FAM135B: variants seen among roughly 807,000 people sequenced by gnomAD.
The protein encoded by FAM135B is protein FAM135B.
FAM135B carries 43 observed loss-of-function variants against 127.7 expected under a neutral mutation model. The observed-to-expected ratio is 0.34, with a 90% confidence interval of 0.26 to 0.43. The LOEUF is 0.43. Ranked by LOEUF, FAM135B falls within the 20% of genes least tolerant of loss-of-function variation. FAM135B has a pLI of 1.00. For missense variants in FAM135B, 1,558 were observed against 1,725.6 expected, an observed-to-expected ratio of 0.90 and a Z score of 1.72; for synonymous variants, 670 against 665.1, an observed-to-expected ratio of 1.01 and a Z score of -0.11.
At chr8:138,193,581 C>G (rs778098642) in intron 9 of FAM135B, among the ~76,000 whole-genome samples, 4 of 152,194 alleles carry the variant, frequency 2.6e-5, no homozygotes, top group Admixed American at 6.5e-5. Context: ...AACTAAATTT[C>G]TGATAATTTA....
chr8:138,372,279 AC>A (rs1395228131), intron 1 of FAM135B, among the ~76,000 whole-genome samples: 2 of 152,084 alleles, frequency 1.3e-5, no homozygotes, highest in Non-Finnish European at 2.9e-5. Context: ...CCTGGTCCTC[AC>A]TCAGGCAGCA....
intron 5 of FAM135B, among the ~76,000 whole-genome samples, chr8:138,255,802 C>G (rs1201094702): frequency 2.0e-5 from 3 of 152,128 alleles, no homozygotes; most frequent in Non-Finnish European, 4.4e-5. Context: ...ATCCTAAGGG[C>G]AGTTCAGGGT....
At chr8:138,314,782 A>G (rs1365539548) in intron 2 of FAM135B, among the ~76,000 whole-genome samples, 1 of 149,114 alleles carries the variant, frequency 6.7e-6, no homozygotes, top group Non-Finnish European at 1.5e-5. Context: ...TGAAGGGCTG[A>G]GGTGGGAAAA....
chr8:138,251,133 A>G (rs1303901474), intron 5 of FAM135B, 119 bp from the exon 6 acceptor site: 4 of 1,139,744 alleles, frequency 3.5e-6, no homozygotes, highest in African/African-American at 3.1e-5. Context: ...ATCTCGTTCA[A>G]TCCTGCAAAT....
At chr8:138,363,924 C>T (rs1171387052) in intron 2 of FAM135B, among the ~76,000 whole-genome samples, 1 of 151,918 alleles carries the variant, frequency 6.6e-6, no homozygotes, top group Non-Finnish European at 1.5e-5. Flanking sequence ...AGAAAGGGTA[C>T]TCTCCCTCTC....
chr8:138,406,375 T>C (rs557456668), intron 1 of FAM135B, among the ~76,000 whole-genome samples: 25 of 151,982 alleles, frequency 1.6e-4, no homozygotes, highest in South Asian at 4.2e-4. Context: ...TTCCAATCAA[T>C]AGAAAAAGAG....
intron 3 of FAM135B, among the ~76,000 whole-genome samples, chr8:138,287,790 C>A (rs946341573): frequency 6.6e-6 from 1 of 152,172 alleles, no homozygotes; most frequent in African/African-American, 2.4e-5. Flanking sequence ...TGCAAGACAC[C>A]ACTGTTCCCA....
chr8:138,205,939 C>G (rs987929129), intron 7 of FAM135B, among the ~76,000 whole-genome samples: 1 of 151,868 alleles, frequency 6.6e-6, no homozygotes. Context: ...TATGTACTTG[C>G]TGCCCTCCCC....
Position 138,181,910 on chromosome 8 carries a change from G to A in FAM135B, c.874-3220C>T, listed in dbSNP as rs139275776. On this transcript the variant is annotated intron_variant, in intron 9 of 19. Coordinates refer to ENST00000395297, the MANE Select transcript of FAM135B (RefSeq NM_015912.4). The stretch of plus-strand genomic sequence containing the variant: ...TCACTTCCTACATCCCCTGCATTTT[G>A]AGCTTCAGCCTTCTCACTATTCCCA... Among the ~76,000 whole-genome samples the A allele has an allele frequency of 5.1e-4, 77 of 152,150 alleles. 1 individual carries two copies. The highest frequency in any genetic ancestry group is 2.9e-3 in the South Asian group (14 of 4,818).
At chr8:138,466,541 G>T (rs747062457) in intron 1 of FAM135B, among the ~76,000 whole-genome samples, 12 of 152,164 alleles carry the variant, frequency 7.9e-5, no homozygotes, top group Non-Finnish European at 1.8e-4. Context: ...TGATGCTTTC[G>T]TGGAAGAGTG....
At chr8:138,384,621 A>G (rs943131706) in intron 1 of FAM135B, among the ~76,000 whole-genome samples, 1 of 152,020 alleles carries the variant, frequency 6.6e-6, no homozygotes, top group Non-Finnish European at 1.5e-5. Flanking sequence ...AGAGAGAGAG[A>G]CAGTGTACGT....
rs554728910 is a variant in FAM135B, at chr8:138,442,315, A to T, written c.-20+54356T>A. Among the ~76,000 whole-genome samples, 5 of 140,462 alleles carry T rather than the reference A, an allele frequency of 3.6e-5. No homozygotes were observed. The South Asian group carries it at 1.2e-3, about 33-fold the overall frequency. The allele number at this position is 140,462 out of a possible 152,430, so 92.1% of individuals were successfully genotyped here. On this transcript the variant is annotated intron_variant, in intron 1 of 19. Transcript: ENST00000395297. ...CAGTTGAATATCTTTTTATAGGCAC[A>T]ATGTATATGTTTGGTTGTGTGTCTA...
chr8:138,398,885 T>C (rs556342396), intron 1 of FAM135B, among the ~76,000 whole-genome samples: 1 of 152,264 alleles, frequency 6.6e-6, no homozygotes, highest in East Asian at 1.9e-4. Flanking sequence ...ATACAGAATC[T>C]GGAAAATTAT....
At chr8:138,477,430 G>T (rs11984496) in intron 1 of FAM135B, 1 of 151,992 alleles carries the variant, frequency 6.6e-6, no homozygotes, top group Non-Finnish European at 1.5e-5. Flanking sequence ...CCTTCCTTTG[G>T]CTCCCAAATC....
At chr8:138,367,233 G>A (rs1830793925) in intron 2 of FAM135B, 2 of 339,500 alleles carry the variant, frequency 5.9e-6, no homozygotes, top group Admixed American at 4.0e-5. Flanking sequence ...CTTTTTGTGT[G>A]TCAGTAACAT....
intron 3 of FAM135B, among the ~76,000 whole-genome samples, chr8:138,268,708 T>C (rs1823139305): frequency 6.6e-6 from 1 of 152,186 alleles, no homozygotes; most frequent in African/African-American, 2.4e-5. Flanking sequence ...CAAAAGTACA[T>C]ACTCTCTCTG....
At chr8:138,225,465 A>C (rs201120678) in intron 7 of FAM135B, among the ~76,000 whole-genome samples, 2,839 of 146,692 alleles carry the variant, frequency 0.019, 86 homozygotes, top group African/African-American at 0.067. Context: ...CAAAAAAAAA[A>C]CAAAAAAACA....
intron 3 of FAM135B, among the ~76,000 whole-genome samples, chr8:138,301,722 A>AT (rs1246939462): frequency 6.6e-6 from 1 of 152,240 alleles, no homozygotes; most frequent in Admixed American, 6.5e-5. Flanking sequence ...AGATTAACTT[A>AT]TATCTCTAAG....
intron 1 of FAM135B, among the ~76,000 whole-genome samples, chr8:138,376,658 T>A (rs994779837): frequency 6.6e-5 from 10 of 152,238 alleles, no homozygotes; most frequent in Non-Finnish European, 1.0e-4. Context: ...CAACATGTGA[T>A]CTTTCAAAGA....
Sources: gnomAD v4.1 joint callset for allele counts (sites outside exome capture counted in the v4.1 genomes callset) on GRCh38, gnomAD v4.1.1 for gene constraint, MANE v1.5 for transcripts, NCBI Gene and HGNC (gene_info 2026-07-23, HGNC 2026-07-21) for gene names.